The following ADA variants were observed in gnomAD, a reference collection of about 807,000 sequenced individuals.
The protein encoded by ADA is adenosine deaminase, also known as adenosine aminohydrolase.
In ADA, 45 loss-of-function variants were observed where a neutral mutation model predicts 49.0. That is an observed-to-expected ratio of 0.92 (90% CI 0.72 to 1.18). The LOEUF is 1.18. Among genes scored for constraint, ADA ranks in the 50% most tolerant of loss-of-function variants. The pLI is 0.00. For synonymous variants in ADA, 173 were observed against 184.2 expected, an observed-to-expected ratio of 0.94 and a Z score of 0.49; for missense variants, 445 against 472.5, an observed-to-expected ratio of 0.94 and a Z score of 0.54.
chr20:44,626,401 AG>A (rs1358869857), intron 4 of ADA, 54 bp downstream of exon 4: 1 of 1,611,742 alleles, frequency 6.2e-7, no homozygotes, highest in African/African-American at 1.3e-5. Flanking sequence ...CCAGTCTCAG[AG>A]CTGAGCCTCC....
intron 6 of ADA, among the ~76,000 whole-genome samples, chr20:44,623,646 C>G (rs1246978357): frequency 1.3e-5 from 2 of 149,434 alleles, no homozygotes; most frequent in Non-Finnish European, 2.9e-5. Flanking sequence ...GCTTTTCTTT[C>G]TCTCTCCCTT....
chr20:44,636,693 G>T (rs2065484039), intron 1 of ADA, among the ~76,000 whole-genome samples: 1 of 152,188 alleles, frequency 6.6e-6, no homozygotes, highest in Admixed American at 6.5e-5. Context: ...AGGTCACGTA[G>T]GCAGCTCCCG....
intron 2 of ADA, among the ~76,000 whole-genome samples, chr20:44,630,942 A>G (rs2065427849): frequency 6.6e-6 from 1 of 152,138 alleles, no homozygotes; most frequent in South Asian, 2.1e-4. Flanking sequence ...TGAGCCTGGA[A>G]GTCAAGGCTA....
chr20:44,642,655 G>A (rs2299692), intron 1 of ADA, among the ~76,000 whole-genome samples: 6,258 of 152,258 alleles, frequency 0.041, 160 homozygotes, highest in African/African-American at 0.064. Context: ...TTCCACCCAA[G>A]TGTGTTAAAT....
intron 2 of ADA, among the ~76,000 whole-genome samples, chr20:44,634,533 G>T (rs138416523): frequency 6.6e-6 from 1 of 152,370 alleles, no homozygotes; most frequent in East Asian, 1.9e-4. Context: ...CTCCTCATCT[G>T]TAAATGACGG....
chr20:44,640,033 C>G (rs982831365), intron 1 of ADA, among the ~76,000 whole-genome samples: 1 of 151,962 alleles, frequency 6.6e-6, no homozygotes, highest in African/African-American at 2.4e-5. Context: ...AAGCGAGCAA[C>G]GGTTCACAGG....
chr20:44,626,252 G>T lies in ADA; in HGVS notation c.362+204C>A, dbSNP rs2065381230. On this transcript the variant is annotated intron_variant, in intron 4 of 11. Coordinates refer to ENST00000372874, the MANE Select transcript of ADA (RefSeq NM_000022.4). ...ACACAGCCAAACACTTGTGCCCAAGGTAAGAACATAACGGCAAAGGGAGGA... is the reference window on the plus strand; with the variant it reads ...ACACAGCCAAACACTTGTGCCCAAGTTAAGAACATAACGGCAAAGGGAGGA... 4.1e-6 allele frequency: 3 copies of T among 725,782 alleles called. No individual in the cohort carries two copies. In the African/African-American group the frequency reaches 5.2e-5, roughly 13 times the overall value. 45.0% of individuals were successfully genotyped at this position (725,782 alleles called of 1,614,324 possible). A position where few individuals can be genotyped will look rare whatever the true frequency, so the allele number is the denominator to read the frequency against.
At chr20:44,626,247 CCAAGGTAAGAACAT>C (rs2065381199) in intron 4 of ADA, 195 bp downstream of exon 4, 1 of 702,780 alleles carries the variant, frequency 1.4e-6, no homozygotes, top group South Asian at 1.8e-5. Context: ...ACACTTGTGC[CCAAGGTAAGAACAT>C]AACGGCAAAG....
At chr20:44,625,198 C>A (rs1942940628) in intron 5 of ADA, among the ~76,000 whole-genome samples, 1 of 152,174 alleles carries the variant, frequency 6.6e-6, no homozygotes, top group African/African-American at 2.4e-5. Context: ...CCTCAGAAAT[C>A]TTGGAAATCA....
chr20:44,622,633 T>A lies in ADA; in HGVS notation c.800A>T (p.Tyr267Phe), dbSNP rs370450947. The A allele has an allele frequency of 1.2e-6, 2 of 1,614,100 alleles. No individual in the cohort carries two copies. Among genetic ancestry groups the A allele is most frequent in the South Asian group, 2.2e-5 (2 of 91,084 alleles). Residue 267 changes from tyrosine to phenylalanine, a missense_variant, in exon 9 of 12, where the codon TAC (tyrosine) becomes TTC (phenylalanine). By Grantham distance (22) the Tyr-to-Phe change is conservative (BLOSUM62 3). Coordinates refer to ENST00000372874, the MANE Select transcript of ADA (RefSeq NM_000022.4). ...MHFEICPWSS[Y>F]LTGAWKPDTE... ...GTCCGGCTTCCAGGCACCAGTGAGGTAGCTGGACCAGGGGCAGATCTGGAA... is the reference window on the plus strand; with the variant it reads ...GTCCGGCTTCCAGGCACCAGTGAGGAAGCTGGACCAGGGGCAGATCTGGAA...
At chr20:44,645,878 T>A (rs995670938) in intron 1 of ADA, among the ~76,000 whole-genome samples, 1 of 152,174 alleles carries the variant, frequency 6.6e-6, no homozygotes, top group Non-Finnish European at 1.5e-5. Flanking sequence ...TCAAATTCCT[T>A]GCTGTTCTAG....
chr20:44,630,328 A>C (rs1019054073), intron 2 of ADA, among the ~76,000 whole-genome samples: 7 of 151,356 alleles, frequency 4.6e-5, no homozygotes, highest in African/African-American at 1.7e-4. Flanking sequence ...CTGGTGACAG[A>C]GCAAGACTCT....
intron 1 of ADA, among the ~76,000 whole-genome samples, chr20:44,641,306 T>C (rs2065531608): frequency 6.6e-6 from 1 of 151,864 alleles, no homozygotes; most frequent in South Asian, 2.1e-4. Context: ...TAGTCAAGAT[T>C]GGGAACCACT....
chr20:44,630,528 A>G (rs1388666022), intron 2 of ADA, among the ~76,000 whole-genome samples: 1 of 152,222 alleles, frequency 6.6e-6, no homozygotes, highest in Non-Finnish European at 1.5e-5. Context: ...TTCAGAACCC[A>G]AGAACGAGCC....
chr20:44,647,209 C>T (rs2065600431), intron 1 of ADA, among the ~76,000 whole-genome samples: 2 of 151,980 alleles, frequency 1.3e-5, no homozygotes, highest in South Asian at 4.2e-4. Flanking sequence ...CTGAGGTGGG[C>T]GGATCACCTG....
At chr20:44,648,304 G>A (rs910286664) in intron 1 of ADA, among the ~76,000 whole-genome samples, 3 of 152,036 alleles carry the variant, frequency 2.0e-5, no homozygotes, top group African/African-American at 4.8e-5. Flanking sequence ...ACTTGACTTG[G>A]GCATCCCCTG....
chr20:44,650,517 T>C (rs968019884), intron 1 of ADA, among the ~76,000 whole-genome samples: 1 of 152,088 alleles, frequency 6.6e-6, no homozygotes, highest in Non-Finnish European at 1.5e-5. Flanking sequence ...AGCCTCAACC[T>C]CCTGGGCTCA....
chr20:44,624,688 G>T (rs1262898268), intron 5 of ADA, among the ~76,000 whole-genome samples: 1 of 152,228 alleles, frequency 6.6e-6, no homozygotes, highest in Non-Finnish European at 1.5e-5. Flanking sequence ...TTATTCCCAT[G>T]CGCAGATGAG....
chr20:44,632,321 T>C (rs549421521), intron 2 of ADA, among the ~76,000 whole-genome samples: 1 of 152,104 alleles, frequency 6.6e-6, no homozygotes, highest in South Asian at 2.1e-4. Flanking sequence ...AGGCTGGGCT[T>C]AGGAAGGGAC....
Sources: gnomAD v4.1 joint callset for allele counts (sites outside exome capture counted in the v4.1 genomes callset) on GRCh38, gnomAD v4.1.1 for gene constraint, MANE v1.5 for transcripts, NCBI Gene and HGNC (gene_info 2026-07-23, HGNC 2026-07-21) for gene names.